The following GALNT14 variants were observed in gnomAD, a reference collection of about 807,000 sequenced individuals.
GALNT14 encodes UDP-GalNAc:polypeptide N-acetylgalactosaminyltransferase 14.
GALNT14 carries 60 observed loss-of-function variants against 77.5 expected under a neutral mutation model. The observed-to-expected ratio is 0.77, with a 90% CI of 0.63 to 0.96. The LOEUF (loss-of-function observed/expected upper bound fraction) is 0.96. GALNT14 is among the 40% of genes least tolerant of loss of function. The pLI is 0.00. For missense variants in GALNT14, 710 were observed against 731.0 expected (o/e 0.97, Z 0.33); for synonymous variants, 280 against 281.7 (o/e 0.99, Z 0.06).
intron 3 of GALNT14, among the ~76,000 whole-genome samples, chr2:30,962,305 A>G (rs551714676): frequency 4.3e-4 from 65 of 152,332 alleles, no homozygotes; most frequent in African/African-American, 1.5e-3. Flanking sequence ...GTGATCACAC[A>G]CCTGTTAAGG....
At chr2:31,100,155 G>A (rs78199325) in intron 1 of GALNT14, among the ~76,000 whole-genome samples, 6,207 of 151,670 alleles carry the variant, frequency 0.041, 122 homozygotes, top group African/African-American at 0.05. Context: ...AAAAATATAC[G>A]GTAAGTCCTC....
rs186294827 is a variant in GALNT14 at position 30,928,703 on chromosome 2, G to A, written c.1151+692C>T. Reference sequence around the variant, plus strand: ...GTGATCTCGGCTCACTGCAACCTCCGCCTCCCAGGTTCAAGCGATTCTCCT... The same window carrying A: ...GTGATCTCGGCTCACTGCAACCTCCACCTCCCAGGTTCAAGCGATTCTCCT... On this transcript the variant is annotated intron_variant, in intron 11 of 14. Coordinates refer to ENST00000349752, the MANE Select transcript of GALNT14 (RefSeq NM_024572.4). Among the ~76,000 whole-genome samples the A allele has an allele frequency of 2.6e-3, 402 of 151,984 alleles. 3 individuals carry two copies. The highest frequency in any genetic ancestry group is 8.9e-3 in the African/African-American group (367 of 41,432).
chr2:31,019,870 T>G (rs907766400), intron 1 of GALNT14, among the ~76,000 whole-genome samples: 2 of 152,160 alleles, frequency 1.3e-5, no homozygotes, highest in Non-Finnish European at 2.9e-5. Context: ...AAAAGTGCCT[T>G]AACAACTGAA....
rs143761183 is a variant in GALNT14, at chr2:30,912,280, G to A, written c.1443C>T (p.Thr481=). The change falls in exon 14 of 15, where the codon ACC becomes ACT. Residue 481 remains threonine, a synonymous_variant. Coordinates refer to ENST00000349752, the MANE Select transcript of GALNT14 (RefSeq NM_024572.4). ...LQEELCLSVI[T]LFPGAPVVLV... ...GAACCACTGGGGCGCCAGGGAACAA[G>A]GTGATGACTGACAGGCACAGCTCCT... 2.1e-3 allele frequency: 3,372 copies of A among 1,614,170 alleles called. 7 individuals are homozygous for A. Among genetic ancestry groups the A allele is most frequent in the Non-Finnish European group, 2.6e-3 (3,087 of 1,180,018 alleles).
chr2:31,016,371 A>G (rs1480717297), intron 1 of GALNT14, among the ~76,000 whole-genome samples: 2 of 152,122 alleles, frequency 1.3e-5, no homozygotes, highest in Non-Finnish European at 2.9e-5. Flanking sequence ...ATACAGTCAC[A>G]TGGGGGTTAG....
At chr2:31,041,627 C>T (rs1165131980) in intron 1 of GALNT14, among the ~76,000 whole-genome samples, 2 of 151,920 alleles carry the variant, frequency 1.3e-5, no homozygotes, top group African/African-American at 2.4e-5. Context: ...TCCCATGCTA[C>T]GGCATTCATA....
chr2:31,137,842 G>T, intron 1 of GALNT14, 116 bp downstream of exon 1: 1 of 1,353,298 alleles, frequency 7.4e-7, no homozygotes, highest in Non-Finnish European at 1.0e-6. Flanking sequence ...GCTGTTACCT[G>T]CTCGCAGCAC....
chr2:31,008,411 T>C (rs986231305), intron 1 of GALNT14, among the ~76,000 whole-genome samples: 2 of 152,276 alleles, frequency 1.3e-5, no homozygotes, highest in African/African-American at 2.4e-5. Context: ...CTCAGATTTT[T>C]CAACACCATC....
intron 13 of GALNT14, among the ~76,000 whole-genome samples, chr2:30,914,572 G>A (rs114598877): frequency 0.021 from 3,233 of 152,202 alleles, 136 homozygotes; most frequent in African/African-American, 0.074. Flanking sequence ...TCGGCCATGA[G>A]TATGAATGGA....
intron 1 of GALNT14, among the ~76,000 whole-genome samples, chr2:31,040,618 T>A (rs568958307): frequency 1.3e-5 from 2 of 152,290 alleles, no homozygotes; most frequent in African/African-American, 4.8e-5. Context: ...GCAGACCACA[T>A]GGGCTAGGAG....
At chr2:30,894,843 A>C in the GALNT14 span, among the ~76,000 whole-genome samples, 5 of 152,126 alleles carry the variant, frequency 3.3e-5, no homozygotes, top group African/African-American at 1.2e-4. Flanking sequence ...GATCCCAGGG[A>C]ACACTGAGGA....
At position 30,912,325 on chromosome 2, in the gene GALNT14, G is replaced by A; in HGVS notation, c.1398C>T (p.Tyr466=). 6.2e-7 allele frequency: 1 copy of A among 1,614,144 alleles called. No homozygotes were observed. Among genetic ancestry groups the A allele is most frequent in the Non-Finnish European group, 8.5e-7 (1 of 1,180,006 alleles). ...GCTCCTCCTGGAGGATCTGCTGGGT[G>A]TATGTGAAGGCCCATACCTGGGGAG... The part of the protein sequence containing the change: ...DAKSQVWAFT[Y]TQQILQEELC... Residue 466 remains tyrosine (Y), a synonymous_variant, in exon 14 of 15, where the codon TAC becomes TAT. Transcript: ENST00000349752.
At chr2:30,976,669 T>G (rs1468195808) in intron 2 of GALNT14, among the ~76,000 whole-genome samples, 1 of 151,682 alleles carries the variant, frequency 6.6e-6, no homozygotes, top group Non-Finnish European at 1.5e-5. Context: ...AAAAGGCAAA[T>G]GCAGAGCCTA....
chr2:31,090,262 C>T (rs970950586), intron 1 of GALNT14, among the ~76,000 whole-genome samples: 3 of 152,166 alleles, frequency 2.0e-5, no homozygotes, highest in African/African-American at 7.2e-5. Context: ...CACCTTCTAG[C>T]CAAGCTCTGA....
intron 1 of GALNT14, among the ~76,000 whole-genome samples, chr2:31,089,494 A>G (rs779677951): frequency 1.3e-5 from 2 of 152,162 alleles, no homozygotes; most frequent in African/African-American, 2.4e-5. Flanking sequence ...AGCCAGCAGA[A>G]CTATTGTTTC....
intron 1 of GALNT14, among the ~76,000 whole-genome samples, chr2:31,084,203 C>T (rs1385871953): frequency 6.6e-6 from 1 of 152,174 alleles, no homozygotes; most frequent in Non-Finnish European, 1.5e-5. Flanking sequence ...TATTATGCCC[C>T]ATTTTATTGA....
At chr2:31,034,100 G>T (rs1321023780) in intron 1 of GALNT14, among the ~76,000 whole-genome samples, 1 of 152,170 alleles carries the variant, frequency 6.6e-6, no homozygotes, top group African/African-American at 2.4e-5. Flanking sequence ...AAATTATGGA[G>T]CCAGGACTTA....
At chr2:31,123,192 A>AG (rs1678509189) in intron 1 of GALNT14, among the ~76,000 whole-genome samples, 1 of 151,736 alleles carries the variant, frequency 6.6e-6, no homozygotes, top group African/African-American at 2.4e-5. Context: ...AAAAAAAAAA[A>AG]AAAAAAAAAC....
At chr2:30,903,471 TC>T in the GALNT14 span, among the ~76,000 whole-genome samples, 1 of 152,264 alleles carries the variant, frequency 6.6e-6, no homozygotes, top group African/African-American at 2.4e-5. Context: ...ACGCTTGCCA[TC>T]CGGGCTTACT....
Sources: allele counts gnomAD v4.1 joint callset (sites outside exome capture counted in the v4.1 genomes callset), GRCh38; gene constraint gnomAD v4.1.1; transcripts MANE v1.5; gene names NCBI Gene and HGNC (gene_info 2026-07-23, HGNC 2026-07-21).